EGF: variants seen among roughly 807,000 people sequenced by gnomAD.
The protein encoded by EGF is pro-epidermal growth factor.
In EGF, 95 loss-of-function variants were observed where a neutral mutation model predicts 143.8. The ratio of observed to expected loss-of-function variants is 0.66; its 90% CI spans 0.56 to 0.78. The LOEUF is 0.78. EGF is among the 30% of genes least tolerant of loss of function. EGF has a pLI of 0.00. For synonymous variants in EGF, 510 were observed against 510.5 expected (o/e 1.00, Z 0.01); for missense variants, 1,320 against 1,470.9 (o/e 0.90, Z 1.68).
In EGF at chr4:109,976,126, G is replaced by A. The variant is rs1183584444; in HGVS notation, c.1944G>A (p.Thr648=). Residue 648 remains threonine, a synonymous_variant, in exon 13 of 24, where the codon ACG becomes ACA. Coordinates refer to ENST00000265171, the MANE Select transcript of EGF (RefSeq NM_001963.6). ...SSDLIWPSGI[T]IDFLTDKLYW... ...ATCTAATCTGGCCCAGTGGAATAAC[G>A]ATTGACTTCTTAACTGACAAGTTGT... 4 of 1,614,008 alleles carry A rather than the reference G, an allele frequency of 2.5e-6. No individual in the cohort carries two copies. Among genetic ancestry groups the A allele is most frequent in the Admixed American group, 1.7e-5 (1 of 59,990 alleles).
chr4:110,008,327 CAA>C, intron 23 of EGF, 97 bp downstream of exon 23: 1 of 1,371,514 alleles, frequency 7.3e-7, no homozygotes, highest in Non-Finnish European at 1.0e-6. Context: ...CACACACACA[CAA>C]ACAAAATAAC....
intron 21 of EGF, 100 bp from the exon 22 acceptor site, chr4:110,004,405 A>G (rs1752983936): frequency 1.0e-6 from 1 of 997,412 alleles, no homozygotes; most frequent in South Asian, 1.3e-5. Flanking sequence ...AAGTACTTAA[A>G]TTTTAGTAGC....
intron 19 of EGF, among the ~76,000 whole-genome samples, chr4:109,993,690 G>A (rs1419519295): frequency 6.7e-6 from 1 of 148,296 alleles, no homozygotes; most frequent in Non-Finnish European, 1.5e-5. Context: ...GTTTTGCAGG[G>A]CTAGGCAGGT....
chr4:110,012,232 T>C lies in EGF; in HGVS notation c.*777T>C, dbSNP rs1754055799. The stretch of plus-strand genomic sequence containing the variant: ...TCATTATAGACAACGATGAATTTCT[T>C]CTAATTATTTAAATAAAATCACCAA... On this transcript the variant is annotated 3_prime_UTR_variant, in exon 24 of 24. Coordinates refer to ENST00000265171, the MANE Select transcript of EGF (RefSeq NM_001963.6). 6.6e-6 allele frequency: 1 copy of C among 152,232 alleles called. No individual in the cohort carries two copies. The highest frequency in any genetic ancestry group is 1.9e-4 in the East Asian group (1 of 5,198). 9.4% of individuals were successfully genotyped at this position (152,232 alleles called of 1,614,324 possible).
chr4:109,932,568 C>T (rs1274694101), intron 1 of EGF, among the ~76,000 whole-genome samples: 14 of 150,944 alleles, frequency 9.3e-5, no homozygotes, highest in Non-Finnish European at 1.6e-4. Flanking sequence ...TTAGTAGAGA[C>T]GGGGTTTCAC....
At chr4:109,921,652 C>T (rs576143927) in intron 1 of EGF, among the ~76,000 whole-genome samples, 1 of 151,618 alleles carries the variant, frequency 6.6e-6, no homozygotes, top group East Asian at 1.9e-4. Context: ...GCTTTGTGTG[C>T]AGTAAGGGAA....
rs1752294562 is a variant in EGF at position 109,999,670 on chromosome 4, T to C, written c.3006-9T>C. ...ATCTCTGATGACCTCTGTTTGTGTG[T>C]TGTCACAGCTGTGTTGTTGGCTACA... On this transcript the variant is annotated splice_polypyrimidine_tract_variant and intron_variant, in intron 20 of 23. Coordinates refer to ENST00000265171, the MANE Select transcript of EGF (RefSeq NM_001963.6). 6.2e-7 allele frequency: 1 copy of C among 1,614,182 alleles called. No individual in the cohort carries two copies. Among genetic ancestry groups the C allele is most frequent in the Non-Finnish European group, 8.5e-7 (1 of 1,180,016 alleles).
chr4:109,914,485 C>T (rs937359873), intron 1 of EGF, among the ~76,000 whole-genome samples: 3 of 152,180 alleles, frequency 2.0e-5, no homozygotes, highest in African/African-American at 7.2e-5. Context: ...CTGGCTCTCC[C>T]ATTAAGGAAG....
Position 109,949,092 on chromosome 4 carries a change from A to G in EGF, c.940+3817A>G, listed in dbSNP as rs189019138. Reference sequence around the variant, plus strand: ...CTCTAGTTCTTTTTTTTTGAGATGGAGTCTCGCTCTATCGCCGAGGCTGGA... The same window carrying G: ...CTCTAGTTCTTTTTTTTTGAGATGGGGTCTCGCTCTATCGCCGAGGCTGGA... On this transcript the variant is annotated intron_variant, in intron 5 of 23. Coordinates refer to ENST00000265171, the MANE Select transcript of EGF (RefSeq NM_001963.6). Among the ~76,000 whole-genome samples the G allele has an allele frequency of 5.1e-3, 778 of 152,012 alleles. 4 individuals are homozygous for G. Among genetic ancestry groups the G allele is most frequent in the Non-Finnish European group, 7.0e-3 (479 of 67,966 alleles).
intron 15 of EGF, 39 bp from the exon 16 acceptor site, chr4:109,983,383 G>T (rs1749669709): frequency 6.2e-7 from 1 of 1,607,562 alleles, no homozygotes; most frequent in South Asian, 1.1e-5. Flanking sequence ...TTTTGAAACA[G>T]AAAAGCTAAA....
At chr4:109,934,911 A>G (rs1036004140) in intron 1 of EGF, among the ~76,000 whole-genome samples, 3 of 151,900 alleles carry the variant, frequency 2.0e-5, no homozygotes, top group Non-Finnish European at 4.4e-5. Flanking sequence ...GTTCTGTTCC[A>G]TGGGTCTATA....
At chr4:109,981,420 TG>T (rs1749338980) in intron 15 of EGF, among the ~76,000 whole-genome samples, 1 of 152,138 alleles carries the variant, frequency 6.6e-6, no homozygotes, top group South Asian at 2.1e-4. Context: ...CAGACAAATG[TG>T]GGAAATCCAG....
chr4:110,006,951 C>T (rs1351114992), intron 22 of EGF, among the ~76,000 whole-genome samples: 1 of 152,118 alleles, frequency 6.6e-6, no homozygotes, highest in East Asian at 1.9e-4. Flanking sequence ...AATTTCGGGA[C>T]CTATGTTCTT....
At chr4:109,914,472 G>A (rs1189811886) in intron 1 of EGF, among the ~76,000 whole-genome samples, 2 of 152,210 alleles carry the variant, frequency 1.3e-5, no homozygotes, top group African/African-American at 4.8e-5. Context: ...CTAGGCTGCT[G>A]TCCTGGCTCT....
intron 1 of EGF, among the ~76,000 whole-genome samples, chr4:109,925,971 T>C (rs1005985957): frequency 6.6e-6 from 1 of 152,214 alleles, no homozygotes; most frequent in Non-Finnish European, 1.5e-5. Flanking sequence ...GTTATTCCTA[T>C]AAAACAAGAC....
intron 1 of EGF, among the ~76,000 whole-genome samples, chr4:109,920,797 C>G (rs982929857): frequency 9.2e-5 from 14 of 151,696 alleles, no homozygotes. Context: ...TTCTTGCCTA[C>G]AGGCCAGCGC....
At chr4:109,942,842 A>T (rs80297705) in intron 2 of EGF, among the ~76,000 whole-genome samples, 2 of 152,220 alleles carry the variant, frequency 1.3e-5, no homozygotes, top group Non-Finnish European at 2.9e-5. Flanking sequence ...TCAGACTCCA[A>T]GGAAATCTTG....
rs769753492 is a variant in EGF at position 109,961,885 on chromosome 4, T to A, written c.1212T>A (p.Asn404Lys). 1 of 1,613,918 alleles carries A rather than the reference T, an allele frequency of 6.2e-7. No individual in the cohort carries two copies. The highest frequency in any genetic ancestry group is 1.1e-5 in the South Asian group (1 of 91,082). The change falls in exon 8 of 24, where the codon AAT becomes AAA. Residue 404 changes from asparagine to lysine, a missense_variant. This residue lies in a region of EGF where 1,186 missense variants were observed against 1,313.7 expected (regional missense o/e 0.90). Transcript: ENST00000265171. ...TAGAACTTGTTTCCTGTCCACGCAA[T>A]GTGTCTGAATGCAGCCATGACTGTG... ...RCHQLVSCPR[N>K]VSECSHDCVL...
chr4:109,954,264 C>T (rs1744423824), intron 5 of EGF, among the ~76,000 whole-genome samples: 1 of 152,176 alleles, frequency 6.6e-6, no homozygotes. Context: ...GTTGGCCAGG[C>T]TAGTCTCCAA....
Sources: gnomAD v4.1 joint callset for allele counts (sites outside exome capture counted in the v4.1 genomes callset) on GRCh38, gnomAD v4.1.1 for gene constraint, gnomAD v4.1.1 regional missense constraint, MANE v1.5 for transcripts, NCBI Gene and HGNC (gene_info 2026-07-23, HGNC 2026-07-21) for gene names.